Variants in PRORP observed in about 807,000 individuals in gnomAD.
PRORP encodes mitochondrial ribonuclease P catalytic subunit.
PRORP carries 51 observed loss-of-function variants against 59.4 expected under a neutral mutation model. That is an observed-to-expected ratio of 0.86 (90% CI 0.69 to 1.08). PRORP has a LOEUF of 1.08. PRORP is among the 50% of genes least tolerant of loss of function. The pLI is 0.00. For missense variants in PRORP, 646 were observed against 690.3 expected (o/e 0.94, Z 0.72); for synonymous variants, 231 against 245.6 (o/e 0.94, Z 0.55).
At chr14:35,240,305 T>TTC in intron 5 of PRORP, among the ~76,000 whole-genome samples, 1 of 51,474 alleles carries the variant, frequency 1.9e-5, no homozygotes, top group Non-Finnish European at 4.1e-5. Flanking sequence ...TTTTTTTTTT[T>TTC]TTTTTTTTGG....
intron 4 of PRORP, among the ~76,000 whole-genome samples, chr14:35,134,263 C>T (rs955852950): frequency 5.3e-5 from 8 of 152,196 alleles, no homozygotes; most frequent in Non-Finnish European, 4.4e-5. Context: ...GCCACCGCCA[C>T]CACCAGCCCA....
Position 35,216,200 on chromosome 14 carries a change from T to C in PRORP, c.1275+35423T>C, listed in dbSNP as rs184731350. On this transcript the variant is annotated intron_variant, in intron 5 of 7. Transcript: ENST00000534898. ...GAGAGAGATAGTTTTAACATTTTGA[T>C]GTATTTTCACTCTTATTCAACTTCT... 2.7e-3 allele frequency among the ~76,000 whole-genome samples: 389 copies of C among 144,476 alleles called. 2 individuals are homozygous for C. The highest frequency in any genetic ancestry group is 9.4e-3 in the African/African-American group (373 of 39,734). The allele number at this position is 144,476 out of a possible 152,430, so 94.8% of individuals were successfully genotyped here. A position where few individuals can be genotyped will look rare whatever the true frequency, so the allele number is the denominator to read the frequency against.
intron 4 of PRORP, among the ~76,000 whole-genome samples, chr14:35,170,147 A>G (rs566023705): frequency 6.6e-6 from 1 of 152,280 alleles, no homozygotes; most frequent in Admixed American, 6.5e-5. Context: ...TTGATGCATG[A>G]TACATATTTT....
At chr14:35,215,454 AT>A (rs1365498722) in intron 5 of PRORP, among the ~76,000 whole-genome samples, 21 of 152,176 alleles carry the variant, frequency 1.4e-4, no homozygotes, top group African/African-American at 5.1e-4. Flanking sequence ...AAAGAAAAAA[AT>A]AAAAAATACA....
At chr14:35,254,062 C>T (rs2050685963) in intron 5 of PRORP, among the ~76,000 whole-genome samples, 1 of 150,580 alleles carries the variant, frequency 6.6e-6, no homozygotes, top group African/African-American at 2.4e-5. Flanking sequence ...ATCTCTCCCA[C>T]CTTGAGATAT....
chr14:35,221,755 G>T (rs1300415479), intron 5 of PRORP, among the ~76,000 whole-genome samples: 7 of 152,116 alleles, frequency 4.6e-5, no homozygotes, highest in Admixed American at 4.6e-4. Context: ...CTGAGCGGTT[G>T]TTCTGGTATT....
intron 5 of PRORP, among the ~76,000 whole-genome samples, chr14:35,215,599 A>T (rs999849515): frequency 2.0e-5 from 3 of 152,132 alleles, no homozygotes; most frequent in Non-Finnish European, 4.4e-5. Flanking sequence ...AAAAAAAATT[A>T]AAAATTATCT....
In PRORP at chr14:35,219,869, G is replaced by A. The variant is rs566919849; in HGVS notation, c.1275+39092G>A. Among the ~76,000 whole-genome samples the A allele has an allele frequency of 7.9e-5, 12 of 152,150 alleles. No individual in the cohort carries two copies. The East Asian group carries it at 2.3e-3, about 29-fold the overall frequency. ...ATGGACTCTATTTTTTGAATTGTTT[G>A]TTTGTTTGTTTTCTGCCAGGCAGGA... On this transcript the variant is annotated intron_variant, in intron 5 of 7. Coordinates refer to ENST00000534898, the MANE Select transcript of PRORP (RefSeq NM_014672.4).
Position 35,123,350 on chromosome 14 carries a change from C to T in PRORP, c.105C>T (p.Asp35=), listed in dbSNP as rs906259013. The T allele has an allele frequency of 3.7e-6, 6 of 1,613,964 alleles. No individual in the cohort carries two copies. The highest frequency in any genetic ancestry group is 5.1e-6 in the Non-Finnish European group (6 of 1,180,048). ...CTTATGTCTCGCTGTTTCTGGCAGA[C>T]CGCTGTGGCATCAGGAACCAGCAGA... ...GHSYVSLFLA[D]RCGIRNQQRL... Residue 35 remains aspartate (D), a synonymous_variant, in exon 2 of 8, where the codon GAC becomes GAT. Coordinates refer to ENST00000534898, the MANE Select transcript of PRORP (RefSeq NM_014672.4).
In PRORP at chr14:35,180,957, C is replaced by T. The variant is rs543678952; in HGVS notation, c.1275+180C>T. Among the ~76,000 whole-genome samples, 72 of 152,132 alleles carry T rather than the reference C, an allele frequency of 4.7e-4. 1 individual carries two copies. The highest frequency in any genetic ancestry group is 7.7e-4 in the East Asian group (4 of 5,180). ...TTTACTATTTTCATCACTAATAAGT[C>T]GCTCTTCAAGGCTGGGAGAAAACAA... On this transcript the variant is annotated intron_variant, in intron 5 of 7. Transcript: ENST00000534898.
At chr14:35,136,191 C>A (rs1024460695) in intron 4 of PRORP, among the ~76,000 whole-genome samples, 1 of 151,888 alleles carries the variant, frequency 6.6e-6, no homozygotes, top group African/African-American at 2.4e-5. Context: ...AAAAATTTCA[C>A]CATTTGGTTT....
Position 35,122,625 on chromosome 14 carries a change from G to T in PRORP, c.-305G>T, listed in dbSNP as rs900204471. On this transcript the variant is annotated 5_prime_UTR_variant, in exon 1 of 8. Coordinates refer to ENST00000534898, the MANE Select transcript of PRORP (RefSeq NM_014672.4). ...TTGTTGAATGAAGTGAACTTCATTT[G>T]TCAGCGTTCGGTACGCAGTCTAGGC... 1.9e-5 allele frequency: 3 copies of T among 154,452 alleles called. No homozygotes were observed. The highest frequency in any genetic ancestry group is 7.2e-5 in the African/African-American group (3 of 41,456). The allele number at this position is 154,452 out of a possible 1,614,324, so 9.6% of individuals were successfully genotyped here.
chr14:35,127,423 C>A, intron 3 of PRORP, 56 bp from the exon 4 acceptor site: 1 of 1,308,410 alleles, frequency 7.6e-7, no homozygotes, highest in Non-Finnish European at 1.0e-6. Flanking sequence ...AAATTTTTTT[C>A]CCCAGAACAT....
At chr14:35,132,628 T>TA (rs1232380997) in intron 4 of PRORP, among the ~76,000 whole-genome samples, 11 of 150,620 alleles carry the variant, frequency 7.3e-5, no homozygotes, top group Admixed American at 3.3e-4. Flanking sequence ...CTACTAAAAA[T>TA]AAAAAAAAAT....
At chr14:35,160,168 G>T (rs2138944307) in intron 4 of PRORP, among the ~76,000 whole-genome samples, 1 of 152,342 alleles carries the variant, frequency 6.6e-6, no homozygotes, top group South Asian at 2.1e-4. Flanking sequence ...CCACTGATGA[G>T]ATGTACAAGA....
At chr14:35,216,116 T>A (rs1031712844) in intron 5 of PRORP, among the ~76,000 whole-genome samples, 13 of 147,830 alleles carry the variant, frequency 8.8e-5, no homozygotes, top group African/African-American at 3.2e-4. Context: ...ATATTTATAT[T>A]TATATATAAT....
chr14:35,271,091 A>G (rs1448216285), intron 7 of PRORP, among the ~76,000 whole-genome samples: 1 of 151,116 alleles, frequency 6.6e-6, no homozygotes, highest in Non-Finnish European at 1.5e-5. Flanking sequence ...CGTCTCAAAA[A>G]CAAAAAACAA....
intron 5 of PRORP, among the ~76,000 whole-genome samples, chr14:35,236,301 C>T (rs1268246757): frequency 6.6e-6 from 1 of 152,128 alleles, no homozygotes. Context: ...ATGGTAGACT[C>T]TTTGAGACAT....
intron 4 of PRORP, among the ~76,000 whole-genome samples, chr14:35,149,354 A>C (rs2047687863): frequency 6.6e-6 from 1 of 152,030 alleles, no homozygotes; most frequent in Non-Finnish European, 1.5e-5. Flanking sequence ...AGCTAGGACT[A>C]CAGGCATACC....
Sources: gnomAD v4.1 joint callset for allele counts (sites outside exome capture counted in the v4.1 genomes callset) on GRCh38, gnomAD v4.1.1 for gene constraint, MANE v1.5 for transcripts, NCBI Gene and HGNC (gene_info 2026-07-23, HGNC 2026-07-21) for gene names.